The following LHFPL6 variants were observed in gnomAD, a reference collection of about 807,000 sequenced individuals.
LHFPL6 encodes the protein LHFPL tetraspan subfamily member 6, also known as LHFPL tetraspan subfamily member 6 protein.
LHFPL6 carries 9 observed loss-of-function variants against 20.6 expected under a neutral mutation model. That is an observed-to-expected ratio of 0.44 (90% CI 0.26 to 0.76). The LOEUF (loss-of-function observed/expected upper bound fraction) is 0.76. LHFPL6 is among the 30% of genes least tolerant of loss of function. The pLI, the probability that LHFPL6 is intolerant of heterozygous loss-of-function variation, is 0.20. For missense variants in LHFPL6, 218 were observed against 253.5 expected (o/e 0.86, Z 0.95); for synonymous variants, 105 against 98.7 (o/e 1.06, Z -0.38).
At chr13:39,500,741 A>G (rs34828475) in intron 2 of LHFPL6, among the ~76,000 whole-genome samples, 93 of 152,360 alleles carry the variant, frequency 6.1e-4, no homozygotes, top group Non-Finnish European at 1.0e-3. Context: ...ACGCCTCTTG[A>G]TAAGTATAAA....
intron 2 of LHFPL6, among the ~76,000 whole-genome samples, chr13:39,441,823 CTTT>C (rs1168860757): frequency 6.4e-5 from 7 of 110,064 alleles, no homozygotes; most frequent in Admixed American, 2.0e-4. Context: ...TGGGCTAAAA[CTTT>C]TTTTTTTTTT....
chr13:39,356,304 A>T (rs77548058), intron 3 of LHFPL6, among the ~76,000 whole-genome samples: 9,147 of 152,304 alleles, frequency 0.06, 445 homozygotes, highest in South Asian at 0.22. Flanking sequence ...GCAGAAATTT[A>T]AAAAATCCTT....
chr13:39,396,135 A>G (rs1396515699), intron 2 of LHFPL6, among the ~76,000 whole-genome samples: 1 of 152,046 alleles, frequency 6.6e-6, no homozygotes, highest in Admixed American at 6.6e-5. Flanking sequence ...TGTGGTGTCT[A>G]AAGAACATGT....
chr13:39,482,529 A>G (rs1868562646), intron 2 of LHFPL6, among the ~76,000 whole-genome samples: 1 of 152,236 alleles, frequency 6.6e-6, no homozygotes, highest in Non-Finnish European at 1.5e-5. Context: ...ATTTATCAAG[A>G]AACTGATTGG....
chr13:39,371,482 C>A (rs1870166238), intron 3 of LHFPL6, among the ~76,000 whole-genome samples: 1 of 152,198 alleles, frequency 6.6e-6, no homozygotes, highest in African/African-American at 2.4e-5. Context: ...TGTCCAACTG[C>A]AAACATTACT....
intron 2 of LHFPL6, among the ~76,000 whole-genome samples, chr13:39,390,375 G>A (rs1358705330): frequency 6.6e-6 from 1 of 152,060 alleles, no homozygotes; most frequent in Non-Finnish European, 1.5e-5. Context: ...GTACATGCCT[G>A]TAGTCCCGAC....
At chr13:39,443,249 G>T (rs375534761) in intron 2 of LHFPL6, among the ~76,000 whole-genome samples, 157 of 152,154 alleles carry the variant, frequency 1.0e-3, no homozygotes, top group African/African-American at 3.2e-3. Context: ...GCACTCTTTT[G>T]CCCTCCTGCT....
intron 2 of LHFPL6, among the ~76,000 whole-genome samples, chr13:39,415,968 A>T (rs1871336688): frequency 9.6e-6 from 1 of 104,322 alleles, no homozygotes; most frequent in African/African-American, 3.2e-5. Context: ...TCCTTCAGAC[A>T]TCACCCCTAG....
intron 2 of LHFPL6, among the ~76,000 whole-genome samples, chr13:39,536,393 T>A (rs917939612): frequency 7.2e-5 from 11 of 152,044 alleles, no homozygotes; most frequent in Admixed American, 2.0e-4. Context: ...TTGCTACATC[T>A]CCAGGCTCTC....
intron 2 of LHFPL6, among the ~76,000 whole-genome samples, chr13:39,445,194 A>G (rs1034072662): frequency 6.6e-6 from 1 of 152,162 alleles, no homozygotes; most frequent in South Asian, 2.1e-4. Flanking sequence ...GTAAACTTCT[A>G]TTGTTTATAA....
chr13:39,567,620 C>G (rs1035014368), intron 2 of LHFPL6, among the ~76,000 whole-genome samples: 5 of 152,178 alleles, frequency 3.3e-5, no homozygotes. Flanking sequence ...TTCCTCTCCT[C>G]TTCCCTCTCC....
At chr13:39,571,234 A>G (rs905282976) in intron 2 of LHFPL6, among the ~76,000 whole-genome samples, 1 of 152,244 alleles carries the variant, frequency 6.6e-6, no homozygotes, top group African/African-American at 2.4e-5. Flanking sequence ...AAAGCCTGAA[A>G]GCCAAGCTAC....
intron 2 of LHFPL6, among the ~76,000 whole-genome samples, chr13:39,468,510 C>T (rs1872860583): frequency 6.6e-6 from 1 of 151,980 alleles, no homozygotes; most frequent in African/African-American, 2.4e-5. Flanking sequence ...ATTTTTTGAA[C>T]TGGGCCAAGA....
intron 2 of LHFPL6, among the ~76,000 whole-genome samples, chr13:39,452,946 T>C (rs901909422): frequency 6.6e-6 from 1 of 152,190 alleles, no homozygotes; most frequent in Non-Finnish European, 1.5e-5. Flanking sequence ...CCCCCAGAGA[T>C]AGTGATAGAG....
chr13:39,360,666 A>G (rs1869849949), intron 3 of LHFPL6, among the ~76,000 whole-genome samples: 1 of 94,122 alleles, frequency 1.1e-5, no homozygotes, highest in Non-Finnish European at 2.5e-5. Flanking sequence ...AGAGCTCTAC[A>G]GAGACATGCA....
At position 39,516,538 on chromosome 13, in the gene LHFPL6, G is replaced by A. The variant is rs1474331527; in HGVS notation, c.385+84294C>T. On this transcript the variant is annotated intron_variant, in intron 2 of 3. Coordinates refer to ENST00000379589, the MANE Select transcript of LHFPL6 (RefSeq NM_005780.3). ...CAGACTTCCCATAAATCCCACTGGT[G>A]TGGAGAACCCTTAAACACAGCCAGT... is the stretch of plus-strand genomic sequence containing the variant. Among the ~76,000 whole-genome samples the A allele has an allele frequency of 2.6e-5, 4 of 152,352 alleles. No individual in the cohort carries two copies. The East Asian group carries it at 7.7e-4, about 29-fold the overall frequency.
chr13:39,388,026 GGAGGTATAAAGAT>G (rs1473363043), intron 2 of LHFPL6, among the ~76,000 whole-genome samples: 1 of 152,144 alleles, frequency 6.6e-6, no homozygotes, highest in Admixed American at 6.5e-5. Flanking sequence ...GAGAGCACAT[GGAGGTATAAAGAT>G]GAGAAATGGG....
chr13:39,548,474 C>T lies in LHFPL6; in HGVS notation c.385+52358G>A, dbSNP rs1211207461. On this transcript the variant is annotated intron_variant, in intron 2 of 3. Transcript: ENST00000379589. ...ATAACTCCCGATGGTCAGCAGCTGC[C>T]GTAGACTAGGCATGGGACACATGGA... 3.3e-5 allele frequency among the ~76,000 whole-genome samples: 5 copies of T among 151,964 alleles called. No individual in the cohort carries two copies. In the East Asian group the frequency reaches 9.6e-4, roughly 29 times the overall value.
intron 2 of LHFPL6, among the ~76,000 whole-genome samples, chr13:39,483,023 G>A (rs930046375): frequency 6.6e-6 from 1 of 152,096 alleles, no homozygotes; most frequent in African/African-American, 2.4e-5. Context: ...GATCTCAGAT[G>A]CTGTTGGTAA....
Sources: gnomAD v4.1 joint callset for allele counts (sites outside exome capture counted in the v4.1 genomes callset) on GRCh38, gnomAD v4.1.1 for gene constraint, MANE v1.5 for transcripts, NCBI Gene and HGNC (gene_info 2026-07-23, HGNC 2026-07-21) for gene names.